CNNM4: variants seen among roughly 807,000 people sequenced by gnomAD.
CNNM4 encodes the protein metal transporter CNNM4.
In CNNM4, 32 loss-of-function variants were observed where a neutral mutation model predicts 53.7. That is an observed-to-expected ratio of 0.60 (90% CI 0.45 to 0.80). CNNM4 has a LOEUF of 0.80. CNNM4 is among the 30% of genes least tolerant of loss of function. The pLI, the probability that CNNM4 is intolerant of heterozygous loss-of-function variation, is 0.00. For missense variants in CNNM4, 784 were observed against 1,022.0 expected (o/e 0.77, Z 3.17); for synonymous variants, 410 against 440.0 (o/e 0.93, Z 0.85).
In CNNM4 at chr2:96,808,473, C is replaced by T; in HGVS notation, c.1949-88C>T. The T allele has an allele frequency of 7.0e-7, 1 of 1,424,290 alleles. No homozygotes were observed. Among genetic ancestry groups the T allele is most frequent in the Non-Finnish European group, 9.8e-7 (1 of 1,018,260 alleles). 88.2% of individuals were successfully genotyped at this position (1,424,290 alleles called of 1,614,324 possible). A position where few individuals can be genotyped will look rare whatever the true frequency, so the allele number is the denominator to read the frequency against. On this transcript the variant is annotated intron_variant, in intron 5 of 6. Transcript: ENST00000377075. This position sits in a 1 kb window ranked among gnomAD's most constrained non-coding sequence, Gnocchi z 4.9. ...CTTCCTGTTCCTGGGTGGGGTGTCC[C>T]TGGGCTTCCATGGGATGAGGTGAGA...
At chr2:96,790,295 C>T (rs555995662) in intron 1 of CNNM4, among the ~76,000 whole-genome samples, 6 of 151,946 alleles carry the variant, frequency 3.9e-5, no homozygotes, top group East Asian at 1.9e-4. Context: ...CGTGAGCCAC[C>T]GCACCCGGCC....
At chr2:96,762,721 G>C (rs998737070) in intron 1 of CNNM4, among the ~76,000 whole-genome samples, 2 of 152,170 alleles carry the variant, frequency 1.3e-5, no homozygotes, top group Non-Finnish European at 2.9e-5. Context: ...AAAGAGGCCA[G>C]GGCGATGGAG....
chr2:96,796,974 C>T, intron 1 of CNNM4, 38 bp from the exon 2 acceptor site: 1 of 1,609,760 alleles, frequency 6.2e-7, no homozygotes, highest in African/African-American at 1.3e-5. Flanking sequence ...CATGACTGGC[C>T]TCTGGGCTCT....
rs769235428 is a variant in CNNM4, at chr2:96,799,096, T to C, written c.1721T>C (p.Ile574Thr). The change falls in exon 4 of 7, where the codon ATC becomes ACC. Residue 574 changes from isoleucine (I) to threonine (T), a missense_variant. Ile to Thr is a moderately conservative substitution (Grantham distance 89). Coordinates refer to ENST00000377075, the MANE Select transcript of CNNM4 (RefSeq NM_020184.4). Reference sequence around the variant, plus strand: ...AGCCCCTCCCTGATATCAGAGAAGATCCTGCTGCGGCTACTCAAGTACCCA... The same window carrying C: ...AGCCCCTCCCTGATATCAGAGAAGACCCTGCTGCGGCTACTCAAGTACCCA... ...QFSPSLISEK[I>T]LLRLLKYPDV... The C allele has an allele frequency of 1.9e-6, 3 of 1,614,154 alleles. No homozygotes were observed. In the African/African-American group the frequency reaches 4.0e-5, roughly 22 times the overall value.
At chr2:96,764,186 T>C (rs559998639) in intron 1 of CNNM4, among the ~76,000 whole-genome samples, 7 of 152,292 alleles carry the variant, frequency 4.6e-5, no homozygotes, top group African/African-American at 1.2e-4. Context: ...CTCCCAGTCT[T>C]GATCAGCAGG....
chr2:96,772,656 C>A (rs1223215948), intron 1 of CNNM4, among the ~76,000 whole-genome samples: 1 of 126,556 alleles, frequency 7.9e-6, no homozygotes, highest in Non-Finnish European at 1.7e-5. Context: ...CGCTCACACA[C>A]ACATGCGTGC....
At position 96,761,552 on chromosome 2, in the gene CNNM4, C is replaced by A. The variant is rs897829700; in HGVS notation, c.553C>A (p.His185Asn). 6.2e-7 allele frequency: 1 copy of A among 1,614,014 alleles called. No individual in the cohort carries two copies. Residue 185 changes from histidine (H) to asparagine (N), a missense_variant, in exon 1 of 7, where the codon CAC becomes AAC. Physicochemically the swap from His to Asn is moderately conservative, Grantham distance 68. This residue lies in a region of CNNM4 where 473 missense variants were observed against 624.6 expected (regional missense o/e 0.76). Transcript: ENST00000377075. This position sits in a 1 kb window ranked among gnomAD's most constrained non-coding sequence, Gnocchi z 6.0. ...TGGGAGGTTCCTGCCTCTCTGGCTGCACATTCTCCTAATTACGGTGCTGCT... is the reference window on the plus strand; with the variant it reads ...TGGGAGGTTCCTGCCTCTCTGGCTGAACATTCTCCTAATTACGGTGCTGCT... ...EPGRFLPLWL[H>N]ILLITVLLVL...
chr2:96,762,139 C>G lies in CNNM4; in HGVS notation c.1140C>G (p.Leu380=), dbSNP rs755309749. 1 of 1,614,146 alleles carries G rather than the reference C, an allele frequency of 6.2e-7. No homozygotes were observed. The highest frequency in any genetic ancestry group is 1.7e-5 in the Admixed American group (1 of 60,010). The change falls in exon 1 of 7, where the codon CTC becomes CTG. Residue 380 remains leucine (L), a synonymous_variant. Transcript: ENST00000377075. ...TKTVEDIMTQ[L]QDCFMIRSDA... ...CTGTAGAGGATATCATGACCCAGCT[C>G]CAGGACTGCTTCATGATCCGCAGCG...
rs1414535238 is a variant in CNNM4, at chr2:96,808,021, C to T, written c.1949-540C>T. 5.3e-5 allele frequency among the ~76,000 whole-genome samples: 8 copies of T among 151,786 alleles called. No homozygotes were observed. The highest frequency in any genetic ancestry group is 2.6e-4 in the Admixed American group (4 of 15,224). On this transcript the variant is annotated intron_variant, in intron 5 of 6. Transcript: ENST00000377075. This position sits in a 1 kb window ranked among gnomAD's most constrained non-coding sequence, Gnocchi z 4.9. ...CTCCTGCCTCAGCCTCCCAAGTAGC[C>T]GGGATTACAGGTGTTTGCCACCATG... is the stretch of plus-strand genomic sequence containing the variant.
At position 96,810,750 on chromosome 2, in the gene CNNM4, C is replaced by T. The variant is rs963292486; in HGVS notation, c.*1233C>T. 3 of 152,250 alleles carry T rather than the reference C, an allele frequency of 2.0e-5. No individual in the cohort carries two copies. Among genetic ancestry groups the T allele is most frequent in the African/African-American group, 7.2e-5 (3 of 41,450 alleles). The allele number at this position is 152,250 out of a possible 1,614,324, so 9.4% of individuals were successfully genotyped here. A position where few individuals can be genotyped will look rare whatever the true frequency, so the allele number is the denominator to read the frequency against. Reference sequence around the variant, plus strand: ...GAACCTCAGGAGAGGAGGGCTCCTCCTAAAGGCATGCAGCTTGCAGCCCCT... The same window carrying T: ...GAACCTCAGGAGAGGAGGGCTCCTCTTAAAGGCATGCAGCTTGCAGCCCCT... On this transcript the variant is annotated 3_prime_UTR_variant, in exon 7 of 7. Coordinates refer to ENST00000377075, the MANE Select transcript of CNNM4 (RefSeq NM_020184.4). The surrounding 1 kb of genome is among the most constrained non-coding windows in gnomAD (Gnocchi z 4.1).
At chr2:96,806,355 T>TA (rs2079205848) in intron 5 of CNNM4, among the ~76,000 whole-genome samples, 1 of 152,104 alleles carries the variant, frequency 6.6e-6, no homozygotes, top group African/African-American at 2.4e-5. Context: ...CTTTTTTTTT[T>TA]ATTTAATTAG....
Position 96,761,194 on chromosome 2 carries a change from C to A in CNNM4, c.195C>A (p.Ile65=). 6.2e-7 allele frequency: 1 copy of A among 1,613,878 alleles called. No homozygotes were observed. The highest frequency in any genetic ancestry group is 8.5e-7 in the Non-Finnish European group (1 of 1,179,794). Residue 65 remains isoleucine, a synonymous_variant, in exon 1 of 7, where the codon ATC becomes ATA. Transcript: ENST00000377075. The surrounding 1 kb of genome is among the most constrained non-coding windows in gnomAD (Gnocchi z 6.0). Reference sequence around the variant, plus strand: ...CGTGTGGGACGAACCCGGATGGCATCATCTTCGTGTCCGAGGGCAGCACCG... The same window carrying A: ...CGTGTGGGACGAACCCGGATGGCATAATCTTCGTGTCCGAGGGCAGCACCG... The part of the protein sequence containing the change: ...NKSCGTNPDG[I]IFVSEGSTVN...
intron 5 of CNNM4, among the ~76,000 whole-genome samples, chr2:96,802,507 A>G (rs987290906): frequency 6.6e-6 from 1 of 152,256 alleles, no homozygotes; most frequent in Non-Finnish European, 1.5e-5. Flanking sequence ...CTGCGAGGCC[A>G]TGAGGGGCAT....
chr2:96,778,306 C>T (rs1422245333), intron 1 of CNNM4, among the ~76,000 whole-genome samples: 2 of 151,358 alleles, frequency 1.3e-5, no homozygotes, highest in East Asian at 1.9e-4. Context: ...GCCTGTAATC[C>T]CAGCACTTTT....
chr2:96,771,049 C>T (rs1046163768), intron 1 of CNNM4, among the ~76,000 whole-genome samples: 5 of 152,284 alleles, frequency 3.3e-5, no homozygotes, highest in Non-Finnish European at 7.4e-5. Context: ...GGCTGGCCCT[C>T]GGCTGAGGGG....
chr2:96,771,284 G>A (rs1046081843), intron 1 of CNNM4, among the ~76,000 whole-genome samples: 6 of 151,272 alleles, frequency 4.0e-5, no homozygotes, highest in Non-Finnish European at 8.8e-5. Context: ...TCCACTGTTA[G>A]ATGATTTTCT....
At chr2:96,776,717 A>G (rs2078927990) in intron 1 of CNNM4, among the ~76,000 whole-genome samples, 2 of 152,128 alleles carry the variant, frequency 1.3e-5, no homozygotes, top group African/African-American at 2.4e-5. Flanking sequence ...GGTTTAAGCA[A>G]TTCTCCTGCC....
At chr2:96,791,960 A>G (rs2079065740) in intron 1 of CNNM4, among the ~76,000 whole-genome samples, 1 of 151,708 alleles carries the variant, frequency 6.6e-6, no homozygotes, top group Non-Finnish European at 1.5e-5. Flanking sequence ...GCCTCACTAC[A>G]ACCTCCACCT....
chr2:96,795,876 G>T (rs1372009041), intron 1 of CNNM4, among the ~76,000 whole-genome samples: 9 of 152,126 alleles, frequency 5.9e-5, no homozygotes, highest in African/African-American at 2.2e-4. Flanking sequence ...CACTCATGGG[G>T]CTGGGGCCAT....
Sources: gnomAD v4.1 joint callset for allele counts (sites outside exome capture counted in the v4.1 genomes callset) on GRCh38, gnomAD v4.1.1 for gene constraint, gnomAD v4.1.1 regional missense constraint, Gnocchi (gnomAD v3.1) non-coding constraint, MANE v1.5 for transcripts, NCBI Gene and HGNC (gene_info 2026-07-23, HGNC 2026-07-21) for gene names.